The following PPP4R4 variants were observed in gnomAD, a reference collection of about 807,000 sequenced individuals.
PPP4R4 encodes the protein serine/threonine-protein phosphatase 4 regulatory subunit 4.
Under a neutral mutation model 121.8 loss-of-function variants are expected in PPP4R4, and 70 were observed. That is an observed-to-expected ratio of 0.57 (90% CI 0.47 to 0.70). PPP4R4 has a LOEUF of 0.70. PPP4R4 is among the 30% of genes least tolerant of loss of function. The pLI is 0.00. For synonymous variants in PPP4R4, 348 were observed against 355.7 expected, an observed-to-expected ratio of 0.98 and a Z score of 0.24; for missense variants, 875 against 1,033.6, an observed-to-expected ratio of 0.85 and a Z score of 2.10.
rs1312373232 is a variant in PPP4R4 at position 94,279,328 on chromosome 14, T to G, written c.*685T>G. ...TCTTTATTTCCTAGAGAATTTATTT[T>G]ATAAATACTTTGTTTACATTTTAGA... On this transcript the variant is annotated 3_prime_UTR_variant, in exon 25 of 25. Coordinates refer to ENST00000304338, the MANE Select transcript of PPP4R4 (RefSeq NM_058237.2). The G allele has an allele frequency of 6.5e-6, 1 of 152,678 alleles. No homozygotes were observed. The highest frequency in any genetic ancestry group is 1.5e-5 in the Non-Finnish European group (1 of 68,046). The allele number at this position is 152,678 out of a possible 1,614,324, so 9.5% of individuals were successfully genotyped here.
chr14:94,278,096 T>A (rs1894739220), intron 24 of PPP4R4, among the ~76,000 whole-genome samples: 1 of 152,236 alleles, frequency 6.6e-6, no homozygotes, highest in Non-Finnish European at 1.5e-5. Context: ...GAAAATATGT[T>A]CTTTTCATTT....
chr14:94,247,022 G>T (rs529774699), intron 14 of PPP4R4, among the ~76,000 whole-genome samples: 1 of 152,256 alleles, frequency 6.6e-6, no homozygotes, highest in African/African-American at 2.4e-5. Flanking sequence ...CAATGGAACA[G>T]AGAAAGCTTA....
intron 12 of PPP4R4, 142 bp from the exon 13 acceptor site, chr14:94,245,445 C>T: frequency 2.3e-6 from 1 of 441,652 alleles, no homozygotes; most frequent in Non-Finnish European, 4.0e-6. Flanking sequence ...AAGAAGATGG[C>T]AGAGTAAGAA....
intron 8 of PPP4R4, among the ~76,000 whole-genome samples, chr14:94,238,091 A>G (rs2139558409): frequency 6.6e-6 from 1 of 152,346 alleles, no homozygotes; most frequent in Middle Eastern, 3.4e-3. Flanking sequence ...ACTTTGTAAC[A>G]ACCTGCTCTC....
chr14:94,199,818 T>G (rs1343004093), intron 2 of PPP4R4, among the ~76,000 whole-genome samples: 1 of 152,226 alleles, frequency 6.6e-6, no homozygotes, highest in African/African-American at 2.4e-5. Context: ...TGACGGCCTC[T>G]TAACATCTAG....
At chr14:94,211,413 A>G (rs1890731165) in intron 3 of PPP4R4, among the ~76,000 whole-genome samples, 1 of 152,152 alleles carries the variant, frequency 6.6e-6, no homozygotes. Flanking sequence ...GAAGGGATGG[A>G]AAGAAGCAGC....
At chr14:94,214,913 A>G (rs1018875819) in intron 3 of PPP4R4, among the ~76,000 whole-genome samples, 1 of 152,218 alleles carries the variant, frequency 6.6e-6, no homozygotes, top group Non-Finnish European at 1.5e-5. Context: ...GCACAAAATT[A>G]TTTAAAATAT....
chr14:94,269,967 A>C (rs1042228692), intron 23 of PPP4R4, among the ~76,000 whole-genome samples: 1 of 152,216 alleles, frequency 6.6e-6, no homozygotes, highest in Non-Finnish European at 1.5e-5. Context: ...ATTTTAGTTA[A>C]TAATGTATCA....
At chr14:94,184,944 G>A (rs1189071388) in intron 2 of PPP4R4, among the ~76,000 whole-genome samples, 1 of 152,150 alleles carries the variant, frequency 6.6e-6, no homozygotes, top group African/African-American at 2.4e-5. Context: ...TTATGTGCTA[G>A]GCATCTCCTG....
intron 23 of PPP4R4, among the ~76,000 whole-genome samples, chr14:94,268,747 A>G (rs1894167902): frequency 6.6e-6 from 1 of 152,142 alleles, no homozygotes; most frequent in African/African-American, 2.4e-5. Context: ...GCCCTTTTAT[A>G]AAACCACCAG....
At chr14:94,241,414 G>A (rs953574421) in intron 9 of PPP4R4, among the ~76,000 whole-genome samples, 4 of 151,994 alleles carry the variant, frequency 2.6e-5, no homozygotes, top group African/African-American at 9.7e-5. Context: ...ACACATGCAT[G>A]TGTCTTTTCT....
At chr14:94,235,679 G>A (rs1892307027) in intron 7 of PPP4R4, among the ~76,000 whole-genome samples, 1 of 152,128 alleles carries the variant, frequency 6.6e-6, no homozygotes, top group African/African-American at 2.4e-5. Flanking sequence ...GATTACAGGT[G>A]TGAGCCACCG....
chr14:94,194,897 G>T (rs1161318183), intron 2 of PPP4R4, among the ~76,000 whole-genome samples: 1 of 152,190 alleles, frequency 6.6e-6, no homozygotes, highest in African/African-American at 2.4e-5. Flanking sequence ...TCTAGTCAGT[G>T]ACCCTTTTGT....
chr14:94,250,007 T>C (rs889244349), intron 14 of PPP4R4, among the ~76,000 whole-genome samples, 165 bp from the exon 15 acceptor site: 7 of 152,050 alleles, frequency 4.6e-5, no homozygotes, highest in Non-Finnish European at 4.4e-5. Flanking sequence ...GCCTGAGTGA[T>C]TAACATTAAA....
chr14:94,235,575 A>G (rs536599755), intron 7 of PPP4R4, among the ~76,000 whole-genome samples: 105 of 150,962 alleles, frequency 7.0e-4, no homozygotes, highest in Non-Finnish European at 9.9e-4. Context: ...AATTTTTTGT[A>G]TTTTTAGTAG....
intron 2 of PPP4R4, among the ~76,000 whole-genome samples, chr14:94,186,266 G>A (rs574821854): frequency 9.7e-4 from 148 of 151,984 alleles, no homozygotes; most frequent in Non-Finnish European, 2.0e-3. Flanking sequence ...TCTCCCTCCC[G>A]TGAGCCCCTT....
At chr14:94,255,129 G>C (rs1364928394) in intron 16 of PPP4R4, among the ~76,000 whole-genome samples, 3 of 152,154 alleles carry the variant, frequency 2.0e-5, no homozygotes, top group Non-Finnish European at 4.4e-5. Context: ...AGAAATCTCA[G>C]ACTTAATCTG....
At chr14:94,241,671 C>T (rs1892642761) in intron 9 of PPP4R4, 117 bp from the exon 10 acceptor site, 1 of 729,424 alleles carries the variant, frequency 1.4e-6, no homozygotes, top group Non-Finnish European at 2.2e-6. Flanking sequence ...TATAAAGTAT[C>T]TGTAACCATT....
intron 2 of PPP4R4, among the ~76,000 whole-genome samples, chr14:94,199,988 C>T (rs992897743): frequency 6.6e-6 from 1 of 152,132 alleles, no homozygotes; most frequent in Non-Finnish European, 1.5e-5. Context: ...GCAGGAGTTC[C>T]TGTCCTCACC....
Sources: gnomAD v4.1 joint callset for allele counts (sites outside exome capture counted in the v4.1 genomes callset) on GRCh38, gnomAD v4.1.1 for gene constraint, MANE v1.5 for transcripts, NCBI Gene and HGNC (gene_info 2026-07-23, HGNC 2026-07-21) for gene names.